The following MACROD2 variants were observed in gnomAD, a reference collection of about 807,000 sequenced individuals.
MACROD2 encodes the protein mono-ADP ribosylhydrolase 2, also known as ADP-ribose glycohydrolase MACROD2.
Under a neutral mutation model 70.4 loss-of-function variants are expected in MACROD2, and 36 were observed. The ratio of observed to expected loss-of-function variants is 0.51; its 90% CI spans 0.39 to 0.68. MACROD2 has a LOEUF of 0.68. MACROD2 is among the 30% of genes least tolerant of loss of function. MACROD2 has a pLI of 0.00. For synonymous variants in MACROD2, 172 were observed against 178.8 expected, an observed-to-expected ratio of 0.96 and a Z score of 0.30; for missense variants, 496 against 538.4, an observed-to-expected ratio of 0.92 and a Z score of 0.78.
chr20:15,295,697 A>T (rs1030942859), intron 6 of MACROD2, among the ~76,000 whole-genome samples: 1 of 151,936 alleles, frequency 6.6e-6, no homozygotes. Context: ...GCCACCACTC[A>T]CACCCCCCAA....
At chr20:14,751,275 A>G (rs911661333) in intron 5 of MACROD2, among the ~76,000 whole-genome samples, 1 of 151,052 alleles carries the variant, frequency 6.6e-6, no homozygotes, top group Non-Finnish European at 1.5e-5. Context: ...AATGGCACCT[A>G]TCAGATCTTC....
intron 3 of MACROD2, among the ~76,000 whole-genome samples, chr20:14,445,529 T>A (rs1351699521): frequency 6.6e-6 from 1 of 152,134 alleles, no homozygotes; most frequent in Non-Finnish European, 1.5e-5. Context: ...TCCTGGTTGC[T>A]GTCATCCTCT....
At chr20:14,233,494 T>G (rs2081838083) in intron 3 of MACROD2, among the ~76,000 whole-genome samples, 1 of 150,688 alleles carries the variant, frequency 6.6e-6, no homozygotes, top group Admixed American at 6.6e-5. Context: ...AGATTGAGAC[T>G]GTCCTGGCTA....
chr20:14,465,010 T>C (rs1374711548), intron 3 of MACROD2, among the ~76,000 whole-genome samples: 1 of 152,118 alleles, frequency 6.6e-6, no homozygotes, highest in African/African-American at 2.4e-5. Context: ...ATGTATATTC[T>C]GTTGATTTGG....
intron 3 of MACROD2, among the ~76,000 whole-genome samples, chr20:14,406,037 C>A (rs1439288580): frequency 6.6e-6 from 1 of 152,010 alleles, no homozygotes; most frequent in Non-Finnish European, 1.5e-5. Flanking sequence ...ACAATTTGGA[C>A]TGATGGAAAA....
intron 5 of MACROD2, among the ~76,000 whole-genome samples, chr20:14,739,935 T>C (rs2071713610): frequency 6.6e-6 from 1 of 152,060 alleles, no homozygotes; most frequent in Admixed American, 6.6e-5. Context: ...GATGATAGTA[T>C]GTAAAGTAGG....
chr20:15,077,922 A>G (rs912563585), intron 5 of MACROD2, among the ~76,000 whole-genome samples: 3 of 151,826 alleles, frequency 2.0e-5, no homozygotes, highest in African/African-American at 7.3e-5. Flanking sequence ...TGATGCTTTG[A>G]GCTGGGCTGG....
At chr20:15,572,996 GA>G (rs1178366145) in intron 8 of MACROD2, among the ~76,000 whole-genome samples, 2 of 152,044 alleles carry the variant, frequency 1.3e-5, no homozygotes, top group East Asian at 3.8e-4. Flanking sequence ...AAAAGTGCCA[GA>G]ATGAAAACCA....
At chr20:14,200,556 A>T (rs1020645451) in intron 3 of MACROD2, among the ~76,000 whole-genome samples, 1 of 152,206 alleles carries the variant, frequency 6.6e-6, no homozygotes, top group African/African-American at 2.4e-5. Flanking sequence ...ACAAAAAAAG[A>T]TTTCCTCCTC....
intron 3 of MACROD2, among the ~76,000 whole-genome samples, chr20:14,274,149 G>A (rs1372398316): frequency 6.6e-6 from 1 of 152,138 alleles, no homozygotes; most frequent in Non-Finnish European, 1.5e-5. Context: ...ATTTTATGAG[G>A]CCAGCATCAT....
intron 5 of MACROD2, among the ~76,000 whole-genome samples, chr20:15,200,503 C>T (rs1290422612): frequency 6.6e-6 from 1 of 152,146 alleles, no homozygotes; most frequent in African/African-American, 2.4e-5. Flanking sequence ...GGCTAAGCAA[C>T]ATGTGCCACT....
intron 3 of MACROD2, among the ~76,000 whole-genome samples, chr20:14,109,564 C>T (rs1395359180): frequency 1.8e-4 from 27 of 151,734 alleles, no homozygotes; most frequent in Non-Finnish European, 1.5e-5. Flanking sequence ...AAAAAGGAGA[C>T]ATTACAACGA....
intron 8 of MACROD2, among the ~76,000 whole-genome samples, chr20:15,807,295 T>A (rs2063777966): frequency 6.6e-6 from 1 of 152,194 alleles, no homozygotes; most frequent in Non-Finnish European, 1.5e-5. Flanking sequence ...AAACATGGCC[T>A]TCGTTAGGCT....
rs537258990 is a variant in MACROD2 at position 14,583,027 on chromosome 20, A to G, written c.301+89519A>G. The stretch of plus-strand genomic sequence containing the variant: ...TGCAGAAGTACTCATGGATGATGCA[A>G]CTCTCTTGTCTGAGCGTATTTCCAG... On this transcript the variant is annotated intron_variant, in intron 4 of 17. Coordinates refer to ENST00000684519, the MANE Select transcript of MACROD2 (RefSeq NM_001351661.2). Among the ~76,000 whole-genome samples, 7 of 151,510 alleles carry G rather than the reference A, an allele frequency of 4.6e-5. No homozygotes were observed. The East Asian group carries it at 1.4e-3, about 30-fold the overall frequency.
intron 5 of MACROD2, among the ~76,000 whole-genome samples, chr20:15,095,222 G>T (rs568588629): frequency 6.7e-6 from 1 of 148,776 alleles, no homozygotes; most frequent in African/African-American, 2.5e-5. Flanking sequence ...GATTACAGGC[G>T]CCCGCCACCA....
intron 6 of MACROD2, among the ~76,000 whole-genome samples, chr20:15,343,606 T>C (rs571256212): frequency 2.0e-5 from 3 of 152,218 alleles, no homozygotes; most frequent in Admixed American, 6.5e-5. Flanking sequence ...ATCCATCAAG[T>C]TAGTGTTAAA....
chr20:14,257,169 A>T (rs1044475969), intron 3 of MACROD2, among the ~76,000 whole-genome samples: 1 of 152,174 alleles, frequency 6.6e-6, no homozygotes, highest in African/African-American at 2.4e-5. Flanking sequence ...TGCAAGAGAG[A>T]CTTGTTAATG....
chr20:14,551,082 G>C (rs560917770), intron 4 of MACROD2, among the ~76,000 whole-genome samples: 11 of 152,072 alleles, frequency 7.2e-5, no homozygotes, highest in African/African-American at 2.7e-4. Flanking sequence ...AATAGGTTTG[G>C]ATGAGTAACT....
intron 5 of MACROD2, among the ~76,000 whole-genome samples, chr20:15,080,267 T>A (rs750577554): frequency 6.6e-6 from 1 of 152,120 alleles, no homozygotes; most frequent in Non-Finnish European, 1.5e-5. Context: ...ACAACCATTG[T>A]CTCTCAAACT....
Sources: gnomAD v4.1 joint callset for allele counts (sites outside exome capture counted in the v4.1 genomes callset) on GRCh38, gnomAD v4.1.1 for gene constraint, MANE v1.5 for transcripts, NCBI Gene and HGNC (gene_info 2026-07-23, HGNC 2026-07-21) for gene names.